The following TNRC6B variants were observed in gnomAD, a reference collection of about 807,000 sequenced individuals.
TNRC6B encodes trinucleotide repeat containing adaptor 6B, also known as trinucleotide repeat-containing gene 6B protein.
In TNRC6B, 52 loss-of-function variants were observed where a neutral mutation model predicts 203.6. That is an observed-to-expected ratio of 0.26 (90% CI 0.20 to 0.32). The LOEUF (loss-of-function observed/expected upper bound fraction) is 0.32, where lower values mean the gene tolerates loss of function less well. Among genes scored for constraint, TNRC6B ranks in the 10% least tolerant of loss-of-function variants. The pLI is 1.00. For missense variants in TNRC6B, 1,923 were observed against 2,286.2 expected, an observed-to-expected ratio of 0.84 and a Z score of 3.24; for synonymous variants, 838 against 845.7, an observed-to-expected ratio of 0.99 and a Z score of 0.16.
intron 4 of TNRC6B, among the ~76,000 whole-genome samples, chr22:40,165,958 G>GT (rs113657717): frequency 0.08 from 9,922 of 123,954 alleles, 978 homozygotes; most frequent in African/African-American, 0.3. Flanking sequence ...GTTATTGGGT[G>GT]GTTTTTTTTG....
At chr22:40,066,761 T>A (rs2067896989) in intron 1 of TNRC6B, among the ~76,000 whole-genome samples, 1 of 152,148 alleles carries the variant, frequency 6.6e-6, no homozygotes, top group African/African-American at 2.4e-5. Flanking sequence ...AAATTTGAAC[T>A]GAAGTATTTA....
chr22:40,287,587 T>G (rs1052997904), intron 12 of TNRC6B, among the ~76,000 whole-genome samples: 1 of 152,220 alleles, frequency 6.6e-6, no homozygotes, highest in Non-Finnish European at 1.5e-5. Flanking sequence ...TAGAGGTTTG[T>G]CCTTTAGACA....
At chr22:40,220,611 G>A (rs2069695041) in intron 1 of TNRC6B, among the ~76,000 whole-genome samples, 1 of 152,104 alleles carries the variant, frequency 6.6e-6, no homozygotes, top group Non-Finnish European at 1.5e-5. Flanking sequence ...TAACCTTTTG[G>A]TTAGCACTGT....
intron 4 of TNRC6B, among the ~76,000 whole-genome samples, chr22:40,263,057 A>AT (rs2070411356): frequency 6.7e-6 from 1 of 148,306 alleles, no homozygotes; most frequent in South Asian, 2.1e-4. Context: ...AAAAAAAAAA[A>AT]GTTGTGAGAG....
chr22:40,271,405 C>T (rs188377686), intron 6 of TNRC6B, among the ~76,000 whole-genome samples: 9 of 152,326 alleles, frequency 5.9e-5, no homozygotes, highest in Admixed American at 5.9e-4. Context: ...AGTACTCTTA[C>T]AGTGCCACAT....
intron 1 of TNRC6B, among the ~76,000 whole-genome samples, chr22:40,189,400 C>T (rs2069243418): frequency 6.6e-6 from 1 of 151,020 alleles, no homozygotes; most frequent in South Asian, 2.1e-4. Flanking sequence ...GCACATCTCT[C>T]AACTAGTAAT....
intron 1 of TNRC6B, among the ~76,000 whole-genome samples, chr22:40,210,670 T>C (rs2069549555): frequency 6.6e-6 from 1 of 152,246 alleles, no homozygotes; most frequent in Non-Finnish European, 1.5e-5. Flanking sequence ...AAATAAAGAC[T>C]GGCTTCAGAA....
intron 1 of TNRC6B, among the ~76,000 whole-genome samples, chr22:40,113,567 G>A (rs970156894): frequency 1.3e-5 from 2 of 152,178 alleles, no homozygotes; most frequent in African/African-American, 4.8e-5. Context: ...AGGTTGCCCA[G>A]GCTAGTCTTG....
chr22:40,312,347 A>T (rs1274013068), intron 17 of TNRC6B, among the ~76,000 whole-genome samples, 158 bp from the exon 18 acceptor site: 1 of 152,240 alleles, frequency 6.6e-6, no homozygotes, highest in African/African-American at 2.4e-5. Flanking sequence ...GAGTATGTTC[A>T]TGGTGATTTT....
upstream of TNRC6B, among the ~76,000 whole-genome samples, chr22:40,176,830 A>G (rs760068341): frequency 6.6e-6 from 1 of 152,168 alleles, no homozygotes; most frequent in Non-Finnish European, 1.5e-5. Context: ...AAGCCTTCCC[A>G]GGGTGGAGGC....
chr22:40,075,846 C>T (rs2068008899), intron 1 of TNRC6B, among the ~76,000 whole-genome samples: 1 of 152,268 alleles, frequency 6.6e-6, no homozygotes, highest in East Asian at 1.9e-4. Context: ...AAATAATATG[C>T]CACTTCATTT....
intron 3 of TNRC6B, among the ~76,000 whole-genome samples, chr22:40,147,652 C>T (rs148120962): frequency 1.3e-5 from 2 of 152,314 alleles, no homozygotes; most frequent in East Asian, 3.9e-4. Context: ...GCAGGCAGAA[C>T]TCTTATGACC....
At chr22:40,047,238 G>A (rs1195476192) in intron 1 of TNRC6B, among the ~76,000 whole-genome samples, 1 of 152,106 alleles carries the variant, frequency 6.6e-6, no homozygotes, top group Non-Finnish European at 1.5e-5. Flanking sequence ...GGGAGAAAGG[G>A]CACTGAAAAG....
chr22:40,162,251 G>T (rs751522426), intron 4 of TNRC6B, among the ~76,000 whole-genome samples: 1 of 152,036 alleles, frequency 6.6e-6, no homozygotes, highest in Non-Finnish European at 1.5e-5. Flanking sequence ...ACGCCACCAC[G>T]CCTGGCTAAT....
At chr22:40,056,619 C>T (rs1433308150) in intron 1 of TNRC6B, among the ~76,000 whole-genome samples, 1 of 151,438 alleles carries the variant, frequency 6.6e-6, no homozygotes, top group Non-Finnish European at 1.5e-5. Context: ...CATAGTGAGA[C>T]CCCCATCTCT....
intron 1 of TNRC6B, among the ~76,000 whole-genome samples, chr22:40,238,003 T>TTA (rs551138796): frequency 9.5e-4 from 144 of 152,212 alleles, no homozygotes; most frequent in Middle Eastern, 3.4e-3. Context: ...ACACTCAGCA[T>TTA]GTTTATTAGA....
chr22:40,310,474 G>T (rs6001874), intron 16 of TNRC6B, among the ~76,000 whole-genome samples: 2 of 152,128 alleles, frequency 1.3e-5, no homozygotes, highest in South Asian at 4.1e-4. Flanking sequence ...CTCTTGAGTC[G>T]TTAGCATAGA....
intron 12 of TNRC6B, among the ~76,000 whole-genome samples, chr22:40,293,387 T>G (rs2070895367): frequency 1.3e-5 from 2 of 152,028 alleles, no homozygotes; most frequent in South Asian, 4.2e-4. Context: ...AGAGACAGGA[T>G]TTCACATGTT....
At chr22:40,115,259 G>A (rs1444001035) in intron 1 of TNRC6B, among the ~76,000 whole-genome samples, 1 of 152,210 alleles carries the variant, frequency 6.6e-6, no homozygotes, top group Non-Finnish European at 1.5e-5. Context: ...CCAGAGAAGA[G>A]GCTGTGTTTT....
Sources: allele counts gnomAD v4.1 joint callset (sites outside exome capture counted in the v4.1 genomes callset), GRCh38; gene constraint gnomAD v4.1.1; transcripts MANE v1.5; gene names NCBI Gene and HGNC (gene_info 2026-07-23, HGNC 2026-07-21).